Variants in NRXN3 observed in about 807,000 individuals in gnomAD.
The protein encoded by NRXN3 is neurexin 3.
In NRXN3, 32 loss-of-function variants were observed where a neutral mutation model predicts 137.6. The observed-to-expected ratio is 0.23, with a 90% CI of 0.18 to 0.31. The LOEUF is 0.31. Among genes scored for constraint, NRXN3 ranks in the 10% least tolerant of loss-of-function variants. The pLI is 1.00. For synonymous variants in NRXN3, 798 were observed against 784.5 expected (o/e 1.02, Z -0.29); for missense variants, 1,574 against 2,062.5 (o/e 0.76, Z 4.59).
intron 15 of NRXN3, among the ~76,000 whole-genome samples, chr14:79,416,699 C>T (rs1192588999): frequency 1.3e-5 from 2 of 152,090 alleles, no homozygotes; most frequent in African/African-American, 2.4e-5. Flanking sequence ...GTCATTCAGC[C>T]CTCTCTTTCT....
intron 4 of NRXN3, among the ~76,000 whole-genome samples, chr14:78,508,604 A>C (rs1351763859): frequency 1.3e-5 from 2 of 152,176 alleles, no homozygotes; most frequent in Non-Finnish European, 2.9e-5. Context: ...CACTGAAGTA[A>C]GTATTAAGTC....
chr14:79,514,273 G>A (rs920708735), intron 16 of NRXN3, among the ~76,000 whole-genome samples: 7 of 150,866 alleles, frequency 4.6e-5, no homozygotes, highest in Non-Finnish European at 7.4e-5. Flanking sequence ...TCTTGGGGCA[G>A]TAGAAAAACA....
intron 15 of NRXN3, among the ~76,000 whole-genome samples, chr14:79,270,765 A>T (rs1249858561): frequency 1.3e-5 from 2 of 152,226 alleles, no homozygotes; most frequent in Admixed American, 6.5e-5. Context: ...ATGCCAAAGT[A>T]TTGTTATCAT....
intron 9 of NRXN3, among the ~76,000 whole-genome samples, chr14:78,807,302 G>A (rs1395785725): frequency 2.0e-5 from 3 of 152,172 alleles, no homozygotes; most frequent in Non-Finnish European, 4.4e-5. Flanking sequence ...TTGGTAAATT[G>A]CATTTGAATT....
chr14:78,473,774 A>G (rs2095327878), intron 4 of NRXN3, among the ~76,000 whole-genome samples: 1 of 152,328 alleles, frequency 6.6e-6, no homozygotes, highest in East Asian at 1.9e-4. Context: ...TCCACTTCTA[A>G]GATGGCTCAC....
intron 16 of NRXN3, among the ~76,000 whole-genome samples, chr14:79,638,196 A>G (rs1269962278): frequency 2.0e-5 from 3 of 152,150 alleles, no homozygotes; most frequent in African/African-American, 7.2e-5. Context: ...AAGTCTGGAA[A>G]CCAAATAATC....
chr14:79,722,745 G>C (rs562479610), intron 19 of NRXN3, among the ~76,000 whole-genome samples: 15 of 152,176 alleles, frequency 9.9e-5, no homozygotes, highest in Admixed American at 9.2e-4. Flanking sequence ...TCTCCTAATA[G>C]ATGTTAGGAT....
At chr14:78,928,218 G>A (rs1202071439) in intron 10 of NRXN3, among the ~76,000 whole-genome samples, 1 of 152,100 alleles carries the variant, frequency 6.6e-6, no homozygotes, top group African/African-American at 2.4e-5. Context: ...TCAAGGTCTT[G>A]TTTTAGGAGG....
intron 20 of NRXN3, chr14:79,854,081 A>C: frequency 1.0e-6 from 1 of 984,104 alleles, no homozygotes; most frequent in Non-Finnish European, 1.2e-6. Flanking sequence ...CATTTTGCTC[A>C]AAAGTTTTTA....
At position 78,917,904 on chromosome 14, in the gene NRXN3, A is replaced by G. The variant is rs530754532; in HGVS notation, c.2276-39338A>G. ...ACAAAGTCAATCTAGGAGTAATGTAAAAGTGATAGTTATCTTAAACAACCT... is the reference window on the plus strand; with the variant it reads ...ACAAAGTCAATCTAGGAGTAATGTAGAAGTGATAGTTATCTTAAACAACCT... On this transcript the variant is annotated intron_variant, in intron 10 of 20. Transcript: ENST00000335750. 1.2e-4 allele frequency among the ~76,000 whole-genome samples: 19 copies of G among 152,152 alleles called. No individual in the cohort carries two copies. In the South Asian group the frequency reaches 1.9e-3, roughly 15 times the overall value.
chr14:78,473,599 C>T (rs2095324360), intron 4 of NRXN3, among the ~76,000 whole-genome samples: 1 of 152,086 alleles, frequency 6.6e-6, no homozygotes, highest in Non-Finnish European at 1.5e-5. Flanking sequence ...TAGCAAATCA[C>T]CATGAAACTT....
intron 6 of NRXN3, among the ~76,000 whole-genome samples, chr14:78,662,151 C>T (rs1181811880): frequency 2.0e-5 from 3 of 151,908 alleles, no homozygotes; most frequent in Non-Finnish European, 4.4e-5. Flanking sequence ...GGATTACAGG[C>T]ATAAGCCACT....
chr14:78,188,072 C>A (rs568913107), intron 1 of NRXN3, among the ~76,000 whole-genome samples: 3 of 152,252 alleles, frequency 2.0e-5, no homozygotes, highest in African/African-American at 7.2e-5. Flanking sequence ...AATATTGTCA[C>A]CCTGGCTTTA....
At chr14:78,913,154 AC>A (rs1449179629) in intron 10 of NRXN3, among the ~76,000 whole-genome samples, 1 of 152,088 alleles carries the variant, frequency 6.6e-6, no homozygotes, top group African/African-American at 2.4e-5. Flanking sequence ...GAAAGTAAGC[AC>A]AAAAATGAGA....
intron 15 of NRXN3, among the ~76,000 whole-genome samples, chr14:79,273,741 A>G (rs1312296584): frequency 6.6e-6 from 1 of 152,126 alleles, no homozygotes; most frequent in African/African-American, 2.4e-5. Flanking sequence ...CTTGACAACA[A>G]ACCTATTAGA....
intron 16 of NRXN3, among the ~76,000 whole-genome samples, chr14:79,518,753 T>C (rs902493017): frequency 6.6e-6 from 1 of 152,194 alleles, no homozygotes; most frequent in African/African-American, 2.4e-5. Flanking sequence ...AATGATATTG[T>C]GGATACTTTA....
intron 15 of NRXN3, among the ~76,000 whole-genome samples, chr14:79,193,338 T>C (rs1012738383): frequency 2.0e-5 from 3 of 152,196 alleles, no homozygotes; most frequent in African/African-American, 7.2e-5. Flanking sequence ...GTTAGAGAGA[T>C]TTATTTCAAC....
At chr14:79,099,931 C>T (rs1264147144) in intron 15 of NRXN3, among the ~76,000 whole-genome samples, 4 of 152,000 alleles carry the variant, frequency 2.6e-5, no homozygotes, top group Non-Finnish European at 5.9e-5. Context: ...TGGTCTTGGC[C>T]GTGATGGAAG....
At chr14:79,061,655 T>C (rs530457198) in intron 15 of NRXN3, among the ~76,000 whole-genome samples, 2 of 152,314 alleles carry the variant, frequency 1.3e-5, no homozygotes, top group East Asian at 1.9e-4. Context: ...CATAGCCTGC[T>C]TTTTTGAGGA....
Sources: allele counts gnomAD v4.1 joint callset (sites outside exome capture counted in the v4.1 genomes callset), GRCh38; gene constraint gnomAD v4.1.1; transcripts MANE v1.5; gene names NCBI Gene and HGNC (gene_info 2026-07-23, HGNC 2026-07-21).